TFEB: variants seen among roughly 807,000 people sequenced by gnomAD.
The protein encoded by TFEB is T-cell transcription factor EB.
Under a neutral mutation model 48.0 loss-of-function variants are expected in TFEB, and 12 were observed. The ratio of observed to expected loss-of-function variants is 0.25; its 90% confidence interval spans 0.16 to 0.40. The LOEUF (loss-of-function observed/expected upper bound fraction) is 0.40, where lower values mean the gene tolerates loss of function less well. TFEB is among the 10% of genes least tolerant of loss of function. The pLI, the probability that TFEB is intolerant of heterozygous loss-of-function variation, is 1.00. For synonymous variants in TFEB, 244 were observed against 261.4 expected, an observed-to-expected ratio of 0.93 and a Z score of 0.64; for missense variants, 509 against 640.3, an observed-to-expected ratio of 0.79 and a Z score of 2.21.
Position 41,734,952 on chromosome 6 carries a change from A to T in TFEB, c.-23+398T>A. On this transcript the variant is annotated intron_variant, in intron 1 of 8. Coordinates refer to ENST00000373033, the MANE Select transcript of TFEB (RefSeq NM_001271944.2). The surrounding 1 kb of genome is among the most constrained non-coding windows in gnomAD (Gnocchi z 4.0). ...CCCCAGCCGTGTCCGGTGGAGGGGG[A>T]GTGGGCGCGGGGCCCGCGCGTCCCT... The T allele has an allele frequency of 1.0e-6, 1 of 984,488 alleles. No homozygotes were observed. Among genetic ancestry groups the T allele is most frequent in the Non-Finnish European group, 1.2e-6 (1 of 829,752 alleles). 61.0% of individuals were successfully genotyped at this position (984,488 alleles called of 1,614,324 possible).
rs564579264 is a variant in TFEB, at chr6:41,690,796, T to G, written c.335A>C (p.Gln112Pro). Residue 112 changes from glutamine (Q) to proline (P), a missense_variant, in exon 3 of 9, where the codon CAG (glutamine) becomes CCG (proline). Physicochemically the swap from Gln to Pro is moderately conservative, Grantham distance 76. Transcript: ENST00000373033. The part of the protein sequence containing the change: ...NKFAAHISPA[Q>P]GSPKPPPAAS... ...GGCTGGTGGGGGTTTCGGAGAGCCC[T>G]GGGCTGGGCTGATGTGGGCAGCAAA... 6.2e-7 allele frequency: 1 copy of G among 1,612,850 alleles called. No individual in the cohort carries two copies. The highest frequency in any genetic ancestry group is 1.3e-5 in the African/African-American group (1 of 75,006).
chr6:41,687,293 A>G, intron 6 of TFEB, 124 bp from the exon 7 acceptor site: 1 of 810,002 alleles, frequency 1.2e-6, no homozygotes. Context: ...TAGTTCTTCC[A>G]GGAAGTAAGA....
chr6:41,701,070 C>T (rs1769894618), intron 1 of TFEB, among the ~76,000 whole-genome samples: 1 of 152,246 alleles, frequency 6.6e-6, no homozygotes, highest in East Asian at 1.9e-4. Context: ...ACGGACCGGC[C>T]CAGCCACCCA....
At position 41,734,516 on chromosome 6, in the gene TFEB, C is replaced by T. The variant is rs1337686055; in HGVS notation, c.-23+834G>A. The T allele has an allele frequency of 1.2e-3, 256 of 210,890 alleles. 1 individual carries two copies. Among genetic ancestry groups the T allele is most frequent in the Non-Finnish European group, 1.7e-3 (235 of 138,648 alleles). The allele number at this position is 210,890 out of a possible 1,614,324, so 13.1% of individuals were successfully genotyped here. A position where few individuals can be genotyped will look rare whatever the true frequency, so the allele number is the denominator to read the frequency against. ...ACAGCCCAGGGGTGGGCGGCACGGA[C>T]TCGGGGGATCGGGGGGAAGGGGGCG... On this transcript the variant is annotated intron_variant, in intron 1 of 8. Coordinates refer to ENST00000373033, the MANE Select transcript of TFEB (RefSeq NM_001271944.2). The surrounding 1 kb of genome is among the most constrained non-coding windows in gnomAD (Gnocchi z 4.0).
chr6:41,684,391 C>T lies in TFEB; in HGVS notation c.*208G>A, dbSNP rs548671605. The T allele has an allele frequency of 8.0e-6, 4 of 499,664 alleles. No homozygotes were observed. The highest frequency in any genetic ancestry group is 5.3e-4 in the Middle Eastern group (1 of 1,880). The allele number at this position is 499,664 out of a possible 1,614,324, so 31.0% of individuals were successfully genotyped here. On this transcript the variant is annotated 3_prime_UTR_variant, in exon 9 of 9. Transcript: ENST00000373033. Reference sequence around the variant, plus strand: ...GGCTGAAGGCCTCTTCCCACTGCGCCAGTCAAGAGGGCTGCCCTGGGGGTG... The same window carrying T: ...GGCTGAAGGCCTCTTCCCACTGCGCTAGTCAAGAGGGCTGCCCTGGGGGTG...
At position 41,694,879 on chromosome 6, in the gene TFEB, C is replaced by A. The variant is rs1041422214; in HGVS notation, c.-22-3644G>T. ...TCTCCCCTGCCCCTCCCAGGTAACA[C>A]CCTCCTCCTGAGAGGAAGGGTTTGA... On this transcript the variant is annotated intron_variant, in intron 1 of 8. Transcript: ENST00000373033. 2.0e-5 allele frequency among the ~76,000 whole-genome samples: 3 copies of A among 152,112 alleles called. No homozygotes were observed. The South Asian group carries it at 6.2e-4, about 32-fold the overall frequency.
At chr6:41,697,991 T>G (rs1769698802) in intron 1 of TFEB, among the ~76,000 whole-genome samples, 1 of 152,254 alleles carries the variant, frequency 6.6e-6, no homozygotes, top group Admixed American at 6.5e-5. Context: ...AAAAGCCTTT[T>G]GGAATGTTAT....
chr6:41,705,473 C>A (rs985244561), intron 1 of TFEB, among the ~76,000 whole-genome samples: 1 of 152,132 alleles, frequency 6.6e-6, no homozygotes, highest in Non-Finnish European at 1.5e-5. Context: ...GCAGCCATAC[C>A]GCAAGGCCTG....
intron 1 of TFEB, among the ~76,000 whole-genome samples, chr6:41,717,354 A>ACTGC (rs1293223806): frequency 6.6e-6 from 1 of 152,130 alleles, no homozygotes; most frequent in African/African-American, 2.4e-5. Context: ...CCATGTCCTC[A>ACTGC]CTGCCCCCAG....
At position 41,730,173 on chromosome 6, in the gene TFEB, G is replaced by A. The variant is rs772979750; in HGVS notation, c.-23+5177C>T. On this transcript the variant is annotated intron_variant, in intron 1 of 8. Coordinates refer to ENST00000373033, the MANE Select transcript of TFEB (RefSeq NM_001271944.2). The surrounding 1 kb of genome is among the most constrained non-coding windows in gnomAD (Gnocchi z 4.1). ...CCTAGGCCCCTCCCCAAGAGATTCA[G>A]ATGCAATGGTGTTGTCTAAGAGTTC... 2.0e-5 allele frequency among the ~76,000 whole-genome samples: 3 copies of A among 152,086 alleles called. No individual in the cohort carries two copies. The highest frequency in any genetic ancestry group is 2.1e-4 in the South Asian group (1 of 4,824).
In TFEB at chr6:41,685,065, T is replaced by C; in HGVS notation, c.965A>G (p.Gln322Arg). 1.4e-6 allele frequency: 2 copies of C among 1,446,868 alleles called. No homozygotes were observed. The highest frequency in any genetic ancestry group is 1.8e-6 in the Non-Finnish European group (2 of 1,096,672). The allele number at this position is 1,446,868 out of a possible 1,614,324, so 89.6% of individuals were successfully genotyped here. A position where few individuals can be genotyped will look rare whatever the true frequency, so the allele number is the denominator to read the frequency against. The change falls in exon 9 of 9, where the codon CAG becomes CGG. Residue 322 changes from glutamine to arginine, a missense_variant. Transcript: ENST00000373033. ...GGTAGGGAGGCCGTGCACTCGAGCC[T>C]GCATCTCCAGCTCCTGCAGGGGAGC... ...LWLRIQELEM[Q>R]ARVHGLPTTS...
upstream of TFEB, chr6:41,735,689 G>A (rs1015482155): frequency 4.0e-6 from 2 of 495,618 alleles, no homozygotes; most frequent in Non-Finnish European, 2.6e-6. Context: ...ACTGGGAAGC[G>A]TAGTTCTCGC....
rs142023170 is a variant in TFEB, at chr6:41,701,638, A to C, written c.-22-10403T>G. Among the ~76,000 whole-genome samples, 109 of 152,288 alleles carry C rather than the reference A, an allele frequency of 7.2e-4. 1 individual carries two copies. The East Asian group carries it at 0.018, about 25-fold the overall frequency. ...TAAACAGCAACACAGCAGGATAGGA[A>C]ACCGAGACTCAGAAAGGTTAAGTAG... On this transcript the variant is annotated intron_variant, in intron 1 of 8. Coordinates refer to ENST00000373033, the MANE Select transcript of TFEB (RefSeq NM_001271944.2).
rs943987815 is a variant in TFEB, at chr6:41,723,791, G to A, written c.-23+11559C>T. Reference sequence around the variant, plus strand: ...ACAGCGCTCCTTGGTCCTCCCACAGGAGGCCTCTCATGGCCGCCCTGACCC... The same window carrying A: ...ACAGCGCTCCTTGGTCCTCCCACAGAAGGCCTCTCATGGCCGCCCTGACCC... On this transcript the variant is annotated intron_variant, in intron 1 of 8. Transcript: ENST00000373033. This position sits in a 1 kb window ranked among gnomAD's most constrained non-coding sequence, Gnocchi z 6.0. The A allele has an allele frequency of 7.9e-6, 3 of 380,876 alleles. No individual in the cohort carries two copies. Among genetic ancestry groups the A allele is most frequent in the Non-Finnish European group, 1.6e-5 (3 of 191,574 alleles). 23.6% of individuals were successfully genotyped at this position (380,876 alleles called of 1,614,324 possible). A position where few individuals can be genotyped will look rare whatever the true frequency, so the allele number is the denominator to read the frequency against.
At chr6:41,687,595 C>A in intron 6 of TFEB, 158 bp downstream of exon 6, 1 of 869,122 alleles carries the variant, frequency 1.2e-6, no homozygotes, top group Non-Finnish European at 1.9e-6. Context: ...TCCCAGGCAC[C>A]ACTGAGCGAC....
At chr6:41,733,005 A>G in intron 1 of TFEB, 1 of 985,536 alleles carries the variant, frequency 1.0e-6, no homozygotes, top group African/African-American at 1.7e-5. Flanking sequence ...GACAGAACCC[A>G]GGGGGTGGCT....
chr6:41,696,900 T>C (rs1008010012), intron 1 of TFEB, among the ~76,000 whole-genome samples: 4 of 152,226 alleles, frequency 2.6e-5, no homozygotes, highest in East Asian at 3.9e-4. Context: ...TAATCTACTA[T>C]GTTAGAACTC....
chr6:41,733,566 T>G, intron 1 of TFEB: 1 of 966,856 alleles, frequency 1.0e-6, no homozygotes, highest in Non-Finnish European at 1.2e-6. Context: ...GGCTCCCAGC[T>G]CTCCGGGCCC....
chr6:41,697,673 G>A (rs531497286), intron 1 of TFEB, among the ~76,000 whole-genome samples: 105 of 152,266 alleles, frequency 6.9e-4, no homozygotes, highest in Non-Finnish European at 1.2e-3. Context: ...AATCATAGAT[G>A]CAGAAAAGGA....
Sources: gnomAD v4.1 joint callset for allele counts (sites outside exome capture counted in the v4.1 genomes callset) on GRCh38, gnomAD v4.1.1 for gene constraint, Gnocchi (gnomAD v3.1) non-coding constraint, MANE v1.5 for transcripts, NCBI Gene and HGNC (gene_info 2026-07-23, HGNC 2026-07-21) for gene names.